VPS26C: variants seen among roughly 807,000 people sequenced by gnomAD.
VPS26C encodes the protein vacuolar protein sorting-associated protein 26C.
In VPS26C, 19 loss-of-function variants were observed where a neutral mutation model predicts 30.6. The ratio of observed to expected loss-of-function variants is 0.62; its 90% confidence interval spans 0.43 to 0.91. The LOEUF (loss-of-function observed/expected upper bound fraction) is 0.91, where lower values mean the gene tolerates loss of function less well. Ranked by LOEUF, VPS26C falls within the 40% of genes least tolerant of loss-of-function variation. The pLI, the probability that VPS26C is intolerant of heterozygous loss-of-function variation, is 0.00. For synonymous variants in VPS26C, 132 were observed against 151.5 expected (o/e 0.87, Z 0.95); for missense variants, 318 against 385.1 (o/e 0.83, Z 1.46).
chr21:37,239,758 C>T (rs770249808), intron 2 of VPS26C, among the ~76,000 whole-genome samples: 22 of 152,032 alleles, frequency 1.4e-4, no homozygotes, highest in Non-Finnish European at 2.1e-4. Flanking sequence ...CATCACACCC[C>T]GCTAATTTTT....
In VPS26C at chr21:37,257,836, A is replaced by T. The variant is rs758596460; in HGVS notation, c.57+9402T>A. On this transcript the variant is annotated intron_variant, in intron 1 of 7. Transcript: ENST00000309117. The surrounding 1 kb of genome is among the most constrained non-coding windows in gnomAD (Gnocchi z 4.2). ...GGAAAGTCGGCGTTAGCTGGATTGG[A>T]AACAGTCCAGACAGAACGATGGGCT... is the stretch of plus-strand genomic sequence containing the variant. Among the ~76,000 whole-genome samples, 7 of 152,292 alleles carry T rather than the reference A, an allele frequency of 4.6e-5. No homozygotes were observed. Among genetic ancestry groups the T allele is most frequent in the Admixed American group, 6.5e-5 (1 of 15,298 alleles).
At chr21:37,256,201 T>C (rs899637580) in intron 1 of VPS26C, among the ~76,000 whole-genome samples, 6 of 152,184 alleles carry the variant, frequency 3.9e-5, no homozygotes, top group African/African-American at 1.4e-4. Flanking sequence ...CCAAATTAAA[T>C]GGGTTGGCAT....
intron 2 of VPS26C, among the ~76,000 whole-genome samples, chr21:37,239,174 C>G (rs537824520): frequency 6.6e-6 from 1 of 152,322 alleles, no homozygotes; most frequent in East Asian, 1.9e-4. Flanking sequence ...TTGGAACCTG[C>G]CTTCAAGGCA....
rs770566941 is a variant in VPS26C, at chr21:37,233,347, C to T, written c.432+15G>A. 1.9e-6 allele frequency: 3 copies of T among 1,611,362 alleles called. No individual in the cohort carries two copies. The highest frequency in any genetic ancestry group is 2.5e-6 in the Non-Finnish European group (3 of 1,177,532). On this transcript the variant is annotated intron_variant, in intron 4 of 7. Transcript: ENST00000309117. The surrounding 1 kb of genome is among the most constrained non-coding windows in gnomAD (Gnocchi z 5.2). ...TTCCTATCATTAAGCACCAGAGTCC[C>T]CGAGTGAAGCTTACAGCGGAGTGAA...
intron 1 of VPS26C, among the ~76,000 whole-genome samples, chr21:37,252,318 T>C (rs2086202209): frequency 6.6e-6 from 1 of 152,214 alleles, no homozygotes; most frequent in Non-Finnish European, 1.5e-5. Flanking sequence ...TTCAATGTGT[T>C]AGGTATCCCC....
chr21:37,250,899 CAAAA>C (rs11450988), intron 1 of VPS26C, among the ~76,000 whole-genome samples: 2 of 78,160 alleles, frequency 2.6e-5, no homozygotes, highest in Non-Finnish European at 4.9e-5. Flanking sequence ...GACTCCATTT[CAAAA>C]AAAAAAAAAA....
chr21:37,230,245 C>A (rs1321172855), intron 5 of VPS26C, among the ~76,000 whole-genome samples: 1 of 152,206 alleles, frequency 6.6e-6, no homozygotes, highest in Admixed American at 6.5e-5. Flanking sequence ...CATTAAAATT[C>A]TTTTAGGCGA....
intron 1 of VPS26C, among the ~76,000 whole-genome samples, chr21:37,256,386 T>C (rs1014702431): frequency 1.1e-4 from 17 of 152,236 alleles, no homozygotes; most frequent in African/African-American, 4.1e-4. Context: ...GTAGAACAGC[T>C]CTGCTTTTAT....
At chr21:37,261,405 A>C (rs1334524888) in intron 1 of VPS26C, 1 of 151,998 alleles carries the variant, frequency 6.6e-6, no homozygotes, top group African/African-American at 2.4e-5. Flanking sequence ...ATAGTTTCGG[A>C]TCTTCTAAGT....
At chr21:37,253,055 G>A (rs1441839172) in intron 1 of VPS26C, among the ~76,000 whole-genome samples, 3 of 152,082 alleles carry the variant, frequency 2.0e-5, no homozygotes, top group Admixed American at 6.5e-5. Flanking sequence ...AAATTATCAC[G>A]TATAGGAGGA....
At chr21:37,231,374 A>C (rs2835679) in intron 5 of VPS26C, 110,442 of 152,186 alleles carry the variant, frequency 0.73, 40,234 homozygotes, top group Middle Eastern at 0.79. Flanking sequence ...AGCGCTTCCG[A>C]AGACAGGCTA....
intron 1 of VPS26C, among the ~76,000 whole-genome samples, chr21:37,245,389 G>A (rs1007649626): frequency 1.3e-5 from 2 of 152,110 alleles, no homozygotes; most frequent in Non-Finnish European, 2.9e-5. Flanking sequence ...TGGCCCCCTT[G>A]CCATTCCTTT....
chr21:37,228,271 C>T lies in VPS26C; in HGVS notation c.610G>A (p.Ala204Thr), dbSNP rs1224054257. Residue 204 changes from alanine (A) to threonine (T), a missense_variant, in exon 6 of 8, where the codon GCC (alanine) becomes ACC (threonine). Physicochemically the swap from Ala to Thr is moderately conservative, Grantham distance 58 (BLOSUM62 0). Transcript: ENST00000309117. ...TGCAGCTCCACGCTTCTGATGGCGG[C>T]TTCCGAGCTCTCCACCACCAGCTCT... is the stretch of plus-strand genomic sequence containing the variant. ...TGELVVESSE[A>T]AIRSVELQLV... 6.2e-7 allele frequency: 1 copy of T among 1,614,100 alleles called. No homozygotes were observed. The highest frequency in any genetic ancestry group is 1.1e-5 in the South Asian group (1 of 91,088).
At chr21:37,255,007 T>C (rs2086228599) in intron 1 of VPS26C, among the ~76,000 whole-genome samples, 2 of 152,154 alleles carry the variant, frequency 1.3e-5, no homozygotes, top group African/African-American at 4.8e-5. Context: ...TTCTGGGCAC[T>C]GTTCATGGGG....
intron 5 of VPS26C, chr21:37,229,201 G>A: frequency 6.5e-6 from 1 of 153,452 alleles, no homozygotes; most frequent in Non-Finnish European, 1.4e-5. Context: ...CTAGAGCAGG[G>A]GTGTCCACTC....
intron 1 of VPS26C, 106 bp from the exon 2 acceptor site, chr21:37,240,745 C>T (rs2086078792): frequency 2.1e-6 from 3 of 1,415,196 alleles, no homozygotes; most frequent in Admixed American, 5.0e-5. Flanking sequence ...TTTAAAGATC[C>T]AGACATTCAC....
chr21:37,264,333 C>T (rs1417014420), intron 1 of VPS26C, among the ~76,000 whole-genome samples: 1 of 152,144 alleles, frequency 6.6e-6, no homozygotes, highest in African/African-American at 2.4e-5. Flanking sequence ...TATACTAGCA[C>T]CAGGAGATGT....
At chr21:37,232,493 A>G (rs1210299792) in intron 4 of VPS26C, 42 bp from the exon 5 acceptor site, 1 of 1,504,882 alleles carries the variant, frequency 6.6e-7, no homozygotes, top group Non-Finnish European at 9.3e-7. Flanking sequence ...GTGAAGGCCA[A>G]GAGTTCTGCA....
chr21:37,254,447 T>C (rs983917453), intron 1 of VPS26C, among the ~76,000 whole-genome samples: 4 of 151,568 alleles, frequency 2.6e-5, no homozygotes, highest in African/African-American at 7.3e-5. Flanking sequence ...CAGTGAGCTA[T>C]GATTGTGCCA....
Sources: gnomAD v4.1 joint callset for allele counts (sites outside exome capture counted in the v4.1 genomes callset) on GRCh38, gnomAD v4.1.1 for gene constraint, Gnocchi (gnomAD v3.1) non-coding constraint, MANE v1.5 for transcripts, NCBI Gene and HGNC (gene_info 2026-07-23, HGNC 2026-07-21) for gene names.